The following CSNK2A1 variants were observed in gnomAD, a reference collection of about 807,000 sequenced individuals.
CSNK2A1 encodes the protein casein kinase 2 alpha 1, also known as casein kinase II subunit alpha.
Under a neutral mutation model 62.9 loss-of-function variants are expected in CSNK2A1, and 10 were observed. The ratio of observed to expected loss-of-function variants is 0.16; its 90% CI spans 0.10 to 0.27. The LOEUF (loss-of-function observed/expected upper bound fraction) is 0.27, where lower values mean the gene tolerates loss of function less well. CSNK2A1 is among the 10% of genes least tolerant of loss of function. The pLI is 1.00. For synonymous variants in CSNK2A1, 124 were observed against 167.8 expected, an observed-to-expected ratio of 0.74 and a Z score of 2.02; for missense variants, 160 against 492.0, an observed-to-expected ratio of 0.33 and a Z score of 6.38.
intron 4 of CSNK2A1, chr20:503,018 T>C (rs1440341645): frequency 1.3e-5 from 2 of 152,436 alleles, no homozygotes; most frequent in African/African-American, 4.8e-5. Context: ...ATGCATGCTT[T>C]TCATGTGGCT....
chr20:499,770 T>C lies in CSNK2A1; in HGVS notation c.315+63A>G. 2.0e-6 allele frequency: 3 copies of C among 1,510,670 alleles called. No individual in the cohort carries two copies. Among genetic ancestry groups the C allele is most frequent in the African/African-American group, 1.4e-5 (1 of 72,850 alleles). The allele number at this position is 1,510,670 out of a possible 1,614,324, so 93.6% of individuals were successfully genotyped here. A position where few individuals can be genotyped will look rare whatever the true frequency, so the allele number is the denominator to read the frequency against. On this transcript the variant is annotated intron_variant, in intron 5 of 13. Coordinates refer to ENST00000217244, the MANE Select transcript of CSNK2A1 (RefSeq NM_177559.3). The surrounding 1 kb of genome is among the most constrained non-coding windows in gnomAD (Gnocchi z 4.2). ...GGGGGAGGGAACAAAAAGAGGCCAG[T>C]TGTGCTCCAGGTCAAACACCATCTC...
chr20:504,324 T>C (rs1481433260), intron 4 of CSNK2A1: 1 of 152,218 alleles, frequency 6.6e-6, no homozygotes, highest in Non-Finnish European at 1.5e-5. Context: ...ATTGAGAAAG[T>C]TTGGAAACTT....
Position 505,207 on chromosome 20 carries a change from C to G in CSNK2A1, c.124G>C (p.Val42Leu). ...EWGNQDDYQL[V>L]RKLGRGKYSE... ...TATTTACCTCGGCCTAATTTTCGAA[C>G]CAGCTGGTAGTCATCTTGATTTCTG... The change falls in exon 4 of 14, where the codon GTT becomes CTT. Residue 42 changes from valine (V) to leucine (L), a missense_variant. Val to Leu is a conservative substitution (Grantham distance 32, BLOSUM62 1). Transcript: ENST00000217244. 1.2e-6 allele frequency: 2 copies of G among 1,613,698 alleles called. No individual in the cohort carries two copies. Among genetic ancestry groups the G allele is most frequent in the Non-Finnish European group, 1.7e-6 (2 of 1,179,882 alleles).
chr20:534,240 T>G (rs2019267571), intron 1 of CSNK2A1, among the ~76,000 whole-genome samples: 1 of 152,236 alleles, frequency 6.6e-6, no homozygotes, highest in East Asian at 1.9e-4. Flanking sequence ...CTAAATAGGT[T>G]CTTTTCACTA....
Position 499,769 on chromosome 20 carries a change from G to T in CSNK2A1, c.315+64C>A. The T allele has an allele frequency of 6.6e-7, 1 of 1,505,864 alleles. No individual in the cohort carries two copies. The allele number at this position is 1,505,864 out of a possible 1,614,324, so 93.3% of individuals were successfully genotyped here. On this transcript the variant is annotated intron_variant, in intron 5 of 13. Transcript: ENST00000217244. This position sits in a 1 kb window ranked among gnomAD's most constrained non-coding sequence, Gnocchi z 4.2. The stretch of plus-strand genomic sequence containing the variant: ...TGGGGGAGGGAACAAAAAGAGGCCA[G>T]TTGTGCTCCAGGTCAAACACCATCT...
intron 2 of CSNK2A1, among the ~76,000 whole-genome samples, chr20:509,773 C>T (rs1248908991): frequency 6.6e-6 from 1 of 152,150 alleles, no homozygotes; most frequent in Non-Finnish European, 1.5e-5. Flanking sequence ...GACGGTGTTT[C>T]ACCATGTTGC....
intron 2 of CSNK2A1, among the ~76,000 whole-genome samples, chr20:512,152 G>A (rs2018736325): frequency 6.6e-6 from 1 of 151,608 alleles, no homozygotes; most frequent in Non-Finnish European, 1.5e-5. Context: ...GCCTCCCAAA[G>A]TGCTCTCAAA....
At chr20:535,264 G>A (rs1284835769) in intron 1 of CSNK2A1, among the ~76,000 whole-genome samples, 1 of 151,974 alleles carries the variant, frequency 6.6e-6, no homozygotes, top group African/African-American at 2.4e-5. Flanking sequence ...AAAATGAACT[G>A]GTCAGGAAGA....
intron 9 of CSNK2A1, 34 bp downstream of exon 9, chr20:492,220 A>C: frequency 6.4e-7 from 1 of 1,569,320 alleles, no homozygotes; most frequent in African/African-American, 1.4e-5. Context: ...AAATAAACAC[A>C]GGATCAAAAC....
chr20:506,034 C>G (rs1016243230), intron 3 of CSNK2A1: 1 of 151,834 alleles, frequency 6.6e-6, no homozygotes, highest in African/African-American at 2.4e-5. Flanking sequence ...CACCACCACG[C>G]CCGGCTAATT....
At chr20:505,332 T>A in intron 3 of CSNK2A1, 103 bp from the exon 4 acceptor site, 1 of 674,526 alleles carries the variant, frequency 1.5e-6, no homozygotes, top group Non-Finnish European at 2.5e-6. Context: ...AAGAAGTATT[T>A]CAAACAATTC....
At chr20:528,951 C>G (rs2019154159) in intron 1 of CSNK2A1, among the ~76,000 whole-genome samples, 1 of 152,228 alleles carries the variant, frequency 6.6e-6, no homozygotes, top group African/African-American at 2.4e-5. Context: ...CAGCCAACCC[C>G]CATACCCATG....
Position 505,107 on chromosome 20 carries a change from C to G in CSNK2A1, c.213+11G>C. On this transcript the variant is annotated intron_variant, in intron 4 of 13. Transcript: ENST00000217244. ...ATTCCAAATACCTCTGAAATTATCT[C>G]TTGTACTCACCTTGAGAATTTTAAC... 1.2e-6 allele frequency: 2 copies of G among 1,602,710 alleles called. No homozygotes were observed. Among genetic ancestry groups the G allele is most frequent in the East Asian group, 4.5e-5 (2 of 44,734 alleles).
intron 7 of CSNK2A1, among the ~76,000 whole-genome samples, chr20:497,077 T>C (rs531199861): frequency 1.3e-5 from 2 of 152,306 alleles, no homozygotes; most frequent in African/African-American, 4.8e-5. Flanking sequence ...CTTTTTCAAA[T>C]TGTTCTAAAT....
At chr20:498,016 C>T (rs184480566) in intron 6 of CSNK2A1, 5 of 438,976 alleles carry the variant, frequency 1.1e-5, no homozygotes, top group Admixed American at 7.6e-5. Flanking sequence ...AATCCACTGT[C>T]AGAAACATAC....
At chr20:540,161 T>G (rs1384372586) in intron 1 of CSNK2A1, among the ~76,000 whole-genome samples, 2 of 152,208 alleles carry the variant, frequency 1.3e-5, no homozygotes, top group Non-Finnish European at 1.5e-5. Context: ...ATCAGTAGAA[T>G]TTGGGGGGTC....
chr20:525,545 G>A (rs1363244219), intron 2 of CSNK2A1, among the ~76,000 whole-genome samples: 1 of 151,460 alleles, frequency 6.6e-6, no homozygotes, highest in Non-Finnish European at 1.5e-5. Flanking sequence ...CAGCTACTCA[G>A]GAGGCTGAGG....
intron 2 of CSNK2A1, among the ~76,000 whole-genome samples, chr20:509,933 A>G (rs560085879): frequency 6.8e-4 from 104 of 152,188 alleles, no homozygotes; most frequent in Non-Finnish European, 6.3e-4. Context: ...GTCTATTTAA[A>G]AAGGGGGAAG....
intron 8 of CSNK2A1, chr20:495,306 A>G (rs901664171): frequency 2.6e-4 from 43 of 164,272 alleles, no homozygotes; most frequent in Admixed American, 2.5e-3. Flanking sequence ...CAGAAACAGC[A>G]TTTTCTGTAT....
Sources: gnomAD v4.1 joint callset for allele counts (sites outside exome capture counted in the v4.1 genomes callset) on GRCh38, gnomAD v4.1.1 for gene constraint, Gnocchi (gnomAD v3.1) non-coding constraint, MANE v1.5 for transcripts, NCBI Gene and HGNC (gene_info 2026-07-23, HGNC 2026-07-21) for gene names.